ANAPC11: variants seen among roughly 807,000 people sequenced by gnomAD.
ANAPC11 encodes the protein anaphase-promoting complex subunit 11.
Under a neutral mutation model 11.8 loss-of-function variants are expected in ANAPC11, and 5 were observed. The ratio of observed to expected loss-of-function variants is 0.42; its 90% CI spans 0.22 to 0.89. ANAPC11 has a LOEUF of 0.89. Among genes scored for constraint, ANAPC11 ranks in the 40% least tolerant of loss-of-function variants. The pLI is 0.28. For missense variants in ANAPC11, 68 were observed against 112.9 expected, an observed-to-expected ratio of 0.60 and a Z score of 1.80; for synonymous variants, 45 against 41.0, an observed-to-expected ratio of 1.10 and a Z score of -0.38.
At chr17:81,898,568 A>G (rs1029748966) in intron 3 of ANAPC11, 2 of 152,384 alleles carry the variant, frequency 1.3e-5, no homozygotes, top group African/African-American at 4.8e-5. Context: ...TGACGAGTCC[A>G]ATGTGCTTCC....
At chr17:81,896,798 C>CTTTTT (rs1156391578) in intron 3 of ANAPC11, among the ~76,000 whole-genome samples, 4 of 42,912 alleles carry the variant, frequency 9.3e-5, no homozygotes, top group African/African-American at 3.0e-4. Flanking sequence ...GCCTCCTTTG[C>CTTTTT]TTTTTTTTTT....
Position 81,896,997 on chromosome 17 carries a change from TTTTA to T in ANAPC11, c.109+2427_109+2430del, listed in dbSNP as rs1038586593. 1.8e-3 allele frequency among the ~76,000 whole-genome samples: 276 copies of T among 150,812 alleles called. 1 individual carries two copies. Among genetic ancestry groups the T allele is most frequent in the South Asian group, 3.2e-3 (15 of 4,758 alleles). The stretch of plus-strand genomic sequence containing the variant: ...GCCAGCTAATTTGTTGTATTTTTAT[TTTTA>T]TTTATTTATTTATTTTCGAGACAGA... On this transcript the variant is annotated intron_variant, in intron 3 of 3. Transcript: ENST00000344877.
intron 3 of ANAPC11, chr17:81,899,514 G>C: frequency 6.2e-7 from 1 of 1,613,930 alleles, no homozygotes; most frequent in Non-Finnish European, 8.5e-7. Context: ...CACAGATCAA[G>C]TGTCTGCAGA....
intron 3 of ANAPC11, among the ~76,000 whole-genome samples, chr17:81,895,929 C>T (rs2039727121): frequency 6.6e-6 from 1 of 151,876 alleles, no homozygotes; most frequent in Non-Finnish European, 1.5e-5. Context: ...AGCAAGACTC[C>T]ATCTCAAAAA....
chr17:81,890,878 A>T, upstream of ANAPC11: 3 of 1,610,998 alleles, frequency 1.9e-6, no homozygotes, highest in Non-Finnish European at 2.5e-6. Context: ...GGCTTTCCTG[A>T]CCCTCACGGC....
intron 3 of ANAPC11, among the ~76,000 whole-genome samples, chr17:81,897,886 G>A (rs2039796394): frequency 6.6e-6 from 1 of 152,188 alleles, no homozygotes. Context: ...GCCTCCCAAA[G>A]TGCTGGGATT....
At chr17:81,895,728 G>A (rs1382255831) in intron 3 of ANAPC11, among the ~76,000 whole-genome samples, 1 of 152,214 alleles carries the variant, frequency 6.6e-6, no homozygotes, top group Non-Finnish European at 1.5e-5. Context: ...CCAGCACTGT[G>A]GGAGGCTGAA....
At chr17:81,899,781 T>C (rs1460330273) in intron 3 of ANAPC11, 139 bp from the exon 4 acceptor site, 15 of 1,019,940 alleles carry the variant, frequency 1.5e-5, no homozygotes, top group Non-Finnish European at 2.0e-5. Flanking sequence ...ACACTCCTGA[T>C]TTCGGCTTCT....
rs2039887799 is a variant in ANAPC11 at position 81,899,993 on chromosome 17, C to T, written c.183C>T (p.Leu61=). The change falls in exon 4 of 4, where the codon CTC becomes CTT. Residue 61 remains leucine (L), a synonymous_variant. Coordinates refer to ENST00000344877, the MANE Select transcript of ANAPC11 (RefSeq NM_001002248.3). ...CSHCFHMHCI[L]KWLHAQQVQQ... ...ACTGCTTCCACATGCATTGCATCCT[C>T]AAGTGGCTGCACGCACAGCAGGTGC... 1.9e-6 allele frequency: 3 copies of T among 1,613,078 alleles called. No individual in the cohort carries two copies. The highest frequency in any genetic ancestry group is 2.5e-6 in the Non-Finnish European group (3 of 1,179,974).
At chr17:81,896,432 GAAAA>G (rs1453192076) in intron 3 of ANAPC11, among the ~76,000 whole-genome samples, 2 of 151,936 alleles carry the variant, frequency 1.3e-5, no homozygotes, top group South Asian at 2.1e-4. Context: ...CAAAAAAAAA[GAAAA>G]AAAGTGGAAA....
intron 1 of ANAPC11, among the ~76,000 whole-genome samples, chr17:81,892,524 A>ATT (rs201667030): frequency 8.6e-5 from 11 of 128,530 alleles, no homozygotes; most frequent in African/African-American, 2.4e-4. Context: ...CATTTCATTG[A>ATT]TTTTTTTTTT....
At chr17:81,894,719 T>TC (rs1170700559) in intron 3 of ANAPC11, 133 bp downstream of exon 3, 1 of 421,726 alleles carries the variant, frequency 2.4e-6, no homozygotes, top group African/African-American at 2.1e-5. Flanking sequence ...CATTTTCTTT[T>TC]TTTTTTTTTT....
In ANAPC11 at chr17:81,900,140, A is replaced by C. The variant is rs1409070866; in HGVS notation, c.*75A>C. ...GCTGGCGCCGATGGCTGCTGGGGAC[A>C]GCGCCCCTGAGCTGCAACAAGGTGG... On this transcript the variant is annotated 3_prime_UTR_variant, in exon 4 of 4. Transcript: ENST00000344877. 6.3e-7 allele frequency: 1 copy of C among 1,582,414 alleles called. No individual in the cohort carries two copies. Among genetic ancestry groups the C allele is most frequent in the South Asian group, 1.1e-5 (1 of 87,426 alleles).
chr17:81,899,646 A>G, intron 3 of ANAPC11: 2 of 1,349,284 alleles, frequency 1.5e-6, no homozygotes, highest in Non-Finnish European at 2.0e-6. Flanking sequence ...CCCACTGAGC[A>G]TGATGAGCCT....
At chr17:81,891,475 GGCCCCGGCCCCC>G (rs983368408), upstream of ANAPC11, 4 of 1,152,734 alleles carry the variant, frequency 3.5e-6, no homozygotes, top group Non-Finnish European at 3.2e-6. Context: ...GCCCGGCCGC[GGCCCCGGCCCCC>G]GCCCCGGCCG....
intron 3 of ANAPC11, chr17:81,899,617 C>T: frequency 1.3e-6 from 2 of 1,486,040 alleles, no homozygotes; most frequent in Non-Finnish European, 1.8e-6. Flanking sequence ...GCCACCTCCT[C>T]AGAGAGGCCC....
intron 3 of ANAPC11, among the ~76,000 whole-genome samples, chr17:81,895,465 T>C (rs1302794513): frequency 6.6e-6 from 1 of 152,192 alleles, no homozygotes; most frequent in Non-Finnish European, 1.5e-5. Context: ...AACTCAGCTG[T>C]GAAATACGTG....
At chr17:81,899,222 A>G (rs1330089787) in intron 3 of ANAPC11, 5 of 1,607,010 alleles carry the variant, frequency 3.1e-6, no homozygotes, top group South Asian at 1.1e-5. Flanking sequence ...GGCTGATACA[A>G]GCATCCCTCT....
intron 3 of ANAPC11, among the ~76,000 whole-genome samples, chr17:81,897,055 C>T (rs138325924): frequency 0.02 from 3,021 of 152,176 alleles, 102 homozygotes; most frequent in African/African-American, 0.069. Context: ...GGCTGGAGTG[C>T]AGTGGCACGA....
Sources: gnomAD v4.1 joint callset for allele counts (sites outside exome capture counted in the v4.1 genomes callset) on GRCh38, gnomAD v4.1.1 for gene constraint, MANE v1.5 for transcripts, NCBI Gene and HGNC (gene_info 2026-07-23, HGNC 2026-07-21) for gene names.